Variants in HEMK2 observed in about 807,000 individuals in gnomAD.
The protein encoded by HEMK2 is methyltransferase HEMK2.
the HEMK2 span, among the ~76,000 whole-genome samples, chr21:28,730,418 A>ACACACAATTTAT: frequency 0.025 from 3,533 of 142,228 alleles, 123 homozygotes; most frequent in African/African-American, 0.086. Flanking sequence ...ACACACACAC[A>ACACACAATTTAT]TTTCTCACAA....
the HEMK2 span, among the ~76,000 whole-genome samples, chr21:28,724,840 G>A: frequency 6.6e-6 from 1 of 152,166 alleles, no homozygotes; most frequent in Non-Finnish European, 1.5e-5. Flanking sequence ...GGAGTGCAAA[G>A]GCATGATCTC....
At chr21:28,744,467 T>C in the HEMK2 span, among the ~76,000 whole-genome samples, 2 of 152,088 alleles carry the variant, frequency 1.3e-5, no homozygotes, top group African/African-American at 4.8e-5. Flanking sequence ...TGTGGAAGGG[T>C]AGAACCTTAA....
the HEMK2 span, among the ~76,000 whole-genome samples, chr21:28,869,850 T>A: frequency 6.6e-6 from 1 of 152,214 alleles, no homozygotes; most frequent in Non-Finnish European, 1.5e-5. Context: ...GAGAATAACA[T>A]AGACTGTAAG....
chr21:28,802,312 A>G, the HEMK2 span, among the ~76,000 whole-genome samples: 2 of 152,234 alleles, frequency 1.3e-5, no homozygotes, highest in African/African-American at 4.8e-5. Context: ...TGAAAATAAA[A>G]GGAAGAGAAA....
chr21:28,742,636 A>G, the HEMK2 span, among the ~76,000 whole-genome samples: 464 of 152,196 alleles, frequency 3.0e-3, 1 homozygote, highest in African/African-American at 0.011. Flanking sequence ...ATCATAAATG[A>G]TCATTTTTTT....
chr21:28,840,985 TGATA>T, the HEMK2 span, among the ~76,000 whole-genome samples: 1 of 114,524 alleles, frequency 8.7e-6, no homozygotes, highest in East Asian at 3.0e-4. Context: ...AAAGACACTG[TGATA>T]GATACATATA....
chr21:28,682,492 G>C, the HEMK2 span, among the ~76,000 whole-genome samples: 1 of 151,624 alleles, frequency 6.6e-6, no homozygotes, highest in South Asian at 2.1e-4. Flanking sequence ...AAGTCGGTGT[G>C]GCGATTCCTC....
At chr21:28,583,347 G>A in the HEMK2 span, among the ~76,000 whole-genome samples, 11 of 152,144 alleles carry the variant, frequency 7.2e-5, no homozygotes, top group African/African-American at 1.7e-4. Context: ...CACAATGGCT[G>A]TAGATTATTG....
chr21:28,712,663 C>T, the HEMK2 span, among the ~76,000 whole-genome samples: 2 of 152,168 alleles, frequency 1.3e-5, no homozygotes, highest in African/African-American at 4.8e-5. Flanking sequence ...GAAAGTGACT[C>T]AAGACCTTGG....
chr21:28,583,710 C>T, the HEMK2 span, among the ~76,000 whole-genome samples: 11 of 152,238 alleles, frequency 7.2e-5, no homozygotes, highest in East Asian at 2.1e-3. Context: ...AGCACCACAG[C>T]CATATTTTGC....
At chr21:28,715,299 CTGTTA>C in the HEMK2 span, among the ~76,000 whole-genome samples, 1 of 151,956 alleles carries the variant, frequency 6.6e-6, no homozygotes, top group South Asian at 2.1e-4. Flanking sequence ...TTGCAAGCAT[CTGTTA>C]TTTTTTTTTT....
chr21:28,869,533 T>C, the HEMK2 span, among the ~76,000 whole-genome samples: 16 of 152,324 alleles, frequency 1.1e-4, no homozygotes, highest in African/African-American at 3.6e-4. Context: ...AGTTCAACTA[T>C]ATTGGAACCA....
the HEMK2 span, among the ~76,000 whole-genome samples, chr21:28,588,851 T>C: frequency 7.3e-5 from 11 of 151,700 alleles, no homozygotes; most frequent in East Asian, 1.9e-4. Context: ...GGCGTTGTGG[T>C]GGGCACCTGT....
chr21:28,696,001 AC>A, the HEMK2 span, among the ~76,000 whole-genome samples: 1 of 152,102 alleles, frequency 6.6e-6, no homozygotes, highest in Non-Finnish European at 1.5e-5. Context: ...GGTTGAAGGA[AC>A]TCACAGTTCC....
the HEMK2 span, among the ~76,000 whole-genome samples, chr21:28,700,495 A>G: frequency 6.6e-6 from 1 of 152,188 alleles, no homozygotes; most frequent in Non-Finnish European, 1.5e-5. Context: ...TATTTTAAAA[A>G]GCCTTCAGAG....
the HEMK2 span, among the ~76,000 whole-genome samples, chr21:28,838,909 A>G: frequency 7.6e-6 from 1 of 131,910 alleles, no homozygotes; most frequent in Non-Finnish European, 1.6e-5. Context: ...ATTGCACTCT[A>G]GCCTGGGCAA....
chr21:28,684,162 C>T, the HEMK2 span, among the ~76,000 whole-genome samples: 1 of 152,196 alleles, frequency 6.6e-6, no homozygotes, highest in Non-Finnish European at 1.5e-5. Context: ...GGTGATTCAA[C>T]AGCAACACCA....
the HEMK2 span, among the ~76,000 whole-genome samples, chr21:28,803,005 G>A: frequency 6.6e-6 from 1 of 152,146 alleles, no homozygotes; most frequent in African/African-American, 2.4e-5. Flanking sequence ...ACTTCAAGAT[G>A]GCAGCAGCAC....
chr21:28,588,074 T>C, the HEMK2 span, among the ~76,000 whole-genome samples: 2 of 152,234 alleles, frequency 1.3e-5, no homozygotes, highest in Non-Finnish European at 2.9e-5. Context: ...TATAAGCTCT[T>C]GAATAGCTAA....
Sources: gnomAD v4.1 joint callset for allele counts (sites outside exome capture counted in the v4.1 genomes callset) on GRCh38, gnomAD v4.1.1 for gene constraint, MANE v1.5 for transcripts, NCBI Gene and HGNC (gene_info 2026-07-23, HGNC 2026-07-21) for gene names.